The following IQGAP2 variants were observed in gnomAD, a reference collection of about 807,000 sequenced individuals.
IQGAP2 encodes the protein IQ motif containing GTPase activating protein 2, also known as ras GTPase-activating-like protein IQGAP2.
In IQGAP2, 173 loss-of-function variants were observed where a neutral mutation model predicts 201.3. The ratio of observed to expected loss-of-function variants is 0.86; its 90% CI spans 0.76 to 0.98. The LOEUF is 0.98. Ranked by LOEUF, IQGAP2 falls within the 50% of genes least tolerant of loss-of-function variation. The probability of loss-of-function intolerance (pLI) is 0.00; values close to 1 mark genes in which losing one functional copy is unlikely to be tolerated. For synonymous variants in IQGAP2, 675 were observed against 673.9 expected (o/e 1.00, Z -0.03); for missense variants, 1,687 against 1,864.8 (o/e 0.90, Z 1.76).
intron 11 of IQGAP2, among the ~76,000 whole-genome samples, chr5:76,605,664 C>T (rs1175346501): frequency 6.6e-6 from 1 of 152,162 alleles, no homozygotes; most frequent in African/African-American, 2.4e-5. Flanking sequence ...TATCTGATTC[C>T]TCAGTGTCAT....
chr5:76,667,373 G>A (rs531078947), intron 22 of IQGAP2, among the ~76,000 whole-genome samples: 1 of 152,292 alleles, frequency 6.6e-6, no homozygotes, highest in East Asian at 1.9e-4. Flanking sequence ...CAAACTGCTT[G>A]AGTATATTAG....
chr5:76,452,008 G>T (rs1753783913), intron 1 of IQGAP2, among the ~76,000 whole-genome samples: 1 of 152,034 alleles, frequency 6.6e-6, no homozygotes, highest in Admixed American at 6.6e-5. Flanking sequence ...CTGCATTCCA[G>T]CCTGGGCAAC....
intron 1 of IQGAP2, among the ~76,000 whole-genome samples, chr5:76,410,756 G>T (rs1282551164): frequency 6.6e-6 from 1 of 152,114 alleles, no homozygotes; most frequent in Admixed American, 6.6e-5. Context: ...TTACCTTTCA[G>T]ATTTCACTGA....
chr5:76,577,527 A>G (rs978417424), intron 5 of IQGAP2, among the ~76,000 whole-genome samples: 3 of 152,210 alleles, frequency 2.0e-5, no homozygotes, highest in African/African-American at 7.2e-5. Context: ...CAAAAGCAAT[A>G]TTTATTTAGT....
intron 1 of IQGAP2, among the ~76,000 whole-genome samples, chr5:76,420,087 T>G (rs1300555915): frequency 6.6e-6 from 1 of 152,044 alleles, no homozygotes; most frequent in African/African-American, 2.4e-5. Flanking sequence ...CTCTGAGGAG[T>G]CCAGGCCTGT....
At chr5:76,686,003 T>C (rs1745706102) in intron 30 of IQGAP2, among the ~76,000 whole-genome samples, 2 of 152,234 alleles carry the variant, frequency 1.3e-5, no homozygotes, top group Admixed American at 6.5e-5. Context: ...CCTGAAGATA[T>C]GAAGTCGTAT....
chr5:76,502,487 C>T (rs1185206047), intron 2 of IQGAP2, among the ~76,000 whole-genome samples: 4 of 152,194 alleles, frequency 2.6e-5, no homozygotes, highest in Non-Finnish European at 4.4e-5. Flanking sequence ...GCCACCACCA[C>T]TTGCTGAGGG....
In IQGAP2 at chr5:76,571,616, G is replaced by A. The variant is rs558796533; in HGVS notation, c.381+959G>A. ...AGTGCTTGTTAAATTTGAAGAGCAG[G>A]CATCCTAAAGTCTGTGAGAGAATTA... On this transcript the variant is annotated intron_variant, in intron 4 of 35. Transcript: ENST00000274364. Among the ~76,000 whole-genome samples, 76 of 152,324 alleles carry A rather than the reference G, an allele frequency of 5.0e-4. 1 individual carries two copies. Among genetic ancestry groups the A allele is most frequent in the African/African-American group, 2.2e-4 (9 of 41,574 alleles).
At chr5:76,535,487 C>T (rs1325968422) in intron 2 of IQGAP2, among the ~76,000 whole-genome samples, 4 of 152,134 alleles carry the variant, frequency 2.6e-5, no homozygotes, top group African/African-American at 9.7e-5. Context: ...CAAATGAAAC[C>T]GTGGGACCTC....
At chr5:76,478,856 G>A (rs76241546) in intron 2 of IQGAP2, among the ~76,000 whole-genome samples, 4 of 152,252 alleles carry the variant, frequency 2.6e-5, no homozygotes, top group Non-Finnish European at 4.4e-5. Context: ...ATACATGACC[G>A]CACTAGGTGC....
intron 2 of IQGAP2, among the ~76,000 whole-genome samples, chr5:76,540,926 T>C (rs1335656882): frequency 3.3e-5 from 5 of 152,218 alleles, no homozygotes; most frequent in Admixed American, 2.0e-4. Flanking sequence ...TATTCCTGTA[T>C]TGATTGCAGA....
chr5:76,526,680 C>T (rs563400012), intron 2 of IQGAP2, among the ~76,000 whole-genome samples: 2 of 152,198 alleles, frequency 1.3e-5, no homozygotes, highest in African/African-American at 4.8e-5. Context: ...GATTGATTGG[C>T]TGCAAAGTAT....
chr5:76,503,925 T>G (rs1241030451), intron 2 of IQGAP2, among the ~76,000 whole-genome samples: 1 of 152,204 alleles, frequency 6.6e-6, no homozygotes, highest in Non-Finnish European at 1.5e-5. Context: ...CAGACAGATA[T>G]TCATTTGTGG....
At chr5:76,613,790 G>A (rs988126530) in intron 13 of IQGAP2, among the ~76,000 whole-genome samples, 14 of 152,070 alleles carry the variant, frequency 9.2e-5, no homozygotes, top group Non-Finnish European at 1.9e-4. Flanking sequence ...CACCTCCCAG[G>A]TTCAACCGAT....
At chr5:76,472,644 A>G (rs1755176343) in intron 2 of IQGAP2, among the ~76,000 whole-genome samples, 1 of 152,168 alleles carries the variant, frequency 6.6e-6, no homozygotes, top group Non-Finnish European at 1.5e-5. Flanking sequence ...CTTTGTTTTT[A>G]GTTTCACATA....
At chr5:76,452,692 C>T (rs758037266) in intron 1 of IQGAP2, among the ~76,000 whole-genome samples, 3 of 152,110 alleles carry the variant, frequency 2.0e-5, no homozygotes, top group Non-Finnish European at 2.9e-5. Flanking sequence ...TCAGAAAAGC[C>T]TAATGGCTGC....
chr5:76,440,371 T>C (rs1011906981), intron 1 of IQGAP2, among the ~76,000 whole-genome samples: 9 of 152,038 alleles, frequency 5.9e-5, no homozygotes, highest in Non-Finnish European at 1.5e-5. Context: ...TTTAAAAGCA[T>C]TTTCATTTTT....
intron 2 of IQGAP2, among the ~76,000 whole-genome samples, chr5:76,524,450 A>G (rs1758855961): frequency 2.0e-5 from 3 of 152,200 alleles, no homozygotes; most frequent in African/African-American, 2.4e-5. Context: ...AGAATCAGTT[A>G]GTACCGATCC....
chr5:76,641,213 G>GATAATGTAAAAATATGCAGT, intron 17 of IQGAP2, 110 bp downstream of exon 17: 1 of 829,318 alleles, frequency 1.2e-6, no homozygotes, highest in Non-Finnish European at 1.8e-6. Flanking sequence ...AAATCTGACT[G>GATAATGTAAAAATATGCAGT]CATATTTTTA....
Sources: gnomAD v4.1 joint callset for allele counts (sites outside exome capture counted in the v4.1 genomes callset) on GRCh38, gnomAD v4.1.1 for gene constraint, MANE v1.5 for transcripts, NCBI Gene and HGNC (gene_info 2026-07-23, HGNC 2026-07-21) for gene names.